The following NOL9 variants were observed in gnomAD, a reference collection of about 807,000 sequenced individuals.
NOL9 encodes the protein nucleolar protein 9.
Under a neutral mutation model 67.9 loss-of-function variants are expected in NOL9, and 28 were observed. The ratio of observed to expected loss-of-function variants is 0.41; its 90% confidence interval spans 0.31 to 0.57. NOL9 has a LOEUF of 0.57. NOL9 is among the 20% of genes least tolerant of loss of function. NOL9 has a pLI of 0.25. For missense variants in NOL9, 777 were observed against 897.0 expected (o/e 0.87, Z 1.71); for synonymous variants, 356 against 352.2 (o/e 1.01, Z -0.12).
In NOL9 at chr1:6,541,817, A is replaced by AT; in HGVS notation, c.1075+12dup. On this transcript the variant is annotated intron_variant, in intron 6 of 11. Coordinates refer to ENST00000377705, the MANE Select transcript of NOL9 (RefSeq NM_024654.5). ...CATAAAACCAAGACATTTGAGAAAT[A>AT]TGTAATACATACCCAGAACTGGTTC... 1 of 1,489,620 alleles carries AT rather than the reference A, an allele frequency of 6.7e-7. No individual in the cohort carries two copies. The highest frequency in any genetic ancestry group is 9.2e-7 in the Non-Finnish European group (1 of 1,089,608). 92.3% of individuals were successfully genotyped at this position (1,489,620 alleles called of 1,614,324 possible).
intron 5 of NOL9, 117 bp from the exon 6 acceptor site, chr1:6,542,044 G>C (rs1476898360): frequency 1.3e-5 from 7 of 547,112 alleles, no homozygotes; most frequent in Non-Finnish European, 2.2e-5. Flanking sequence ...ACCACACACA[G>C]CACTTTAGAA....
At position 6,554,262 on chromosome 1, in the gene NOL9, C is replaced by T; in HGVS notation, c.241G>A (p.Ala81Thr). ...GGGCTAGGGATCGGGCTGGGGGTCG[C>T]GGTGTTGGGTCTCCGGGCCGCCGCC... is the stretch of plus-strand genomic sequence containing the variant. ...RAAAARRPNTATPSPIPSPTP... is the reference protein window; with the variant it reads ...RAAAARRPNTTTPSPIPSPTP... The change falls in exon 1 of 12, where the codon GCG (alanine) becomes ACG (threonine). Residue 81 changes from alanine (A) to threonine (T), a missense_variant. Transcript: ENST00000377705. The T allele has an allele frequency of 1.3e-6, 2 of 1,485,496 alleles. No individual in the cohort carries two copies. Among genetic ancestry groups the T allele is most frequent in the East Asian group, 2.9e-5 (1 of 34,550 alleles). 92.0% of individuals were successfully genotyped at this position (1,485,496 alleles called of 1,614,324 possible). A position where few individuals can be genotyped will look rare whatever the true frequency, so the allele number is the denominator to read the frequency against.
Position 6,544,847 on chromosome 1 carries a change from A to T in NOL9, c.956T>A (p.Leu319Gln). The change falls in exon 5 of 12, where the codon CTG (leucine) becomes CAG (glutamine). Residue 319 changes from leucine (L) to glutamine (Q), a missense_variant. By Grantham distance (113) the Leu-to-Gln change is moderately radical. Coordinates refer to ENST00000377705, the MANE Select transcript of NOL9 (RefSeq NM_024654.5). ...DVGKSTFNRY[L>Q]INHLLNSLPC... ...TTACCTATTTAACAAATGGTTAATC[A>T]GGTATCTATTAAATGTTGACTTTCC... 6.2e-7 allele frequency: 1 copy of T among 1,614,204 alleles called. No homozygotes were observed. Among genetic ancestry groups the T allele is most frequent in the East Asian group, 2.2e-5 (1 of 44,890 alleles).
intron 6 of NOL9, among the ~76,000 whole-genome samples, chr1:6,539,635 C>A (rs1370545200): frequency 1.5e-5 from 2 of 136,264 alleles, no homozygotes; most frequent in East Asian, 2.2e-4. Context: ...TAGGCATGGA[C>A]CACCAAGCCC....
At position 6,544,889 on chromosome 1, in the gene NOL9, C is replaced by T; in HGVS notation, c.914G>A (p.Cys305Tyr). 3 of 1,614,228 alleles carry T rather than the reference C, an allele frequency of 1.9e-6. No individual in the cohort carries two copies. The highest frequency in any genetic ancestry group is 2.5e-6 in the Non-Finnish European group (3 of 1,180,038). The change falls in exon 5 of 12, where the codon TGT becomes TAT. Residue 305 changes from cysteine to tyrosine, a missense_variant. Cys to Tyr is a radical substitution (Grantham distance 194, BLOSUM62 -2). This residue lies in a region of NOL9 where 413 missense variants were observed against 552.6 expected (regional missense o/e 0.75). Coordinates refer to ENST00000377705, the MANE Select transcript of NOL9 (RefSeq NM_024654.5). ...TGACTTTCCAACATCCTGGGATCCA[C>T]AAACTAGAATGACAGGGCAGCCATC... The part of the protein sequence containing the change: ...EVDGCPVILV[C>Y]GSQDVGKSTF...
intron 6 of NOL9, among the ~76,000 whole-genome samples, chr1:6,533,768 T>C (rs1437346352): frequency 6.6e-6 from 1 of 152,056 alleles, no homozygotes; most frequent in Non-Finnish European, 1.5e-5. Context: ...CAGACAAACA[T>C]CCCCACCCTC....
chr1:6,533,500 T>C, intron 6 of NOL9, 59 bp from the exon 7 acceptor site: 2 of 1,294,926 alleles, frequency 1.5e-6, no homozygotes, highest in South Asian at 3.7e-5. Flanking sequence ...CCTGGCTACT[T>C]AAAAGGTGGT....
intron 1 of NOL9, among the ~76,000 whole-genome samples, chr1:6,552,666 C>T (rs1321374597): frequency 1.3e-5 from 2 of 151,238 alleles, no homozygotes; most frequent in Admixed American, 6.6e-5. Context: ...GACAGGGTTT[C>T]GCCATATTGG....
At chr1:6,535,993 G>A (rs1639146978) in intron 6 of NOL9, among the ~76,000 whole-genome samples, 1 of 151,436 alleles carries the variant, frequency 6.6e-6, no homozygotes, top group East Asian at 1.9e-4. Context: ...AATTAAAAGA[G>A]CATGGTCCAG....
At chr1:6,526,492 GCGACAC>G (rs1638887474) in intron 11 of NOL9, among the ~76,000 whole-genome samples, 198 bp downstream of exon 11, 1 of 152,144 alleles carries the variant, frequency 6.6e-6, no homozygotes, top group Admixed American at 6.5e-5. Context: ...AGCCCAGATC[GCGACAC>G]TGACACCACG....
rs775472654 is a variant in NOL9, at chr1:6,529,160, A to G, written c.1659T>C (p.Asn553=). 2.5e-6 allele frequency: 4 copies of G among 1,613,022 alleles called. No homozygotes were observed. Among genetic ancestry groups the G allele is most frequent in the East Asian group, 2.2e-5 (1 of 44,856 alleles). ...AGTGGGTAATCCGGAGTGCGACTGCATTGAAAGGGACCTGGAAAATGAATT... is the reference window on the plus strand; with the variant it reads ...AGTGGGTAATCCGGAGTGCGACTGCGTTGAAAGGGACCTGGAAAATGAATT... ...HSLTPYQVPF[N]AVALRITHSD... Residue 553 remains asparagine (N), a synonymous_variant, in exon 10 of 12, where the codon AAT becomes AAC. Coordinates refer to ENST00000377705, the MANE Select transcript of NOL9 (RefSeq NM_024654.5).
intron 3 of NOL9, among the ~76,000 whole-genome samples, chr1:6,546,361 C>A (rs1351971972): frequency 6.6e-6 from 1 of 152,208 alleles, no homozygotes; most frequent in Non-Finnish European, 1.5e-5. Flanking sequence ...CCTCTGCAGT[C>A]CTGGTCCAGC....
intron 3 of NOL9, among the ~76,000 whole-genome samples, chr1:6,546,990 G>A (rs908734176): frequency 2.0e-5 from 3 of 152,098 alleles, no homozygotes; most frequent in Non-Finnish European, 2.9e-5. Context: ...TTTCGCCACC[G>A]CTGTTCAGTT....
At chr1:6,528,766 C>T (rs541657276) in intron 10 of NOL9, among the ~76,000 whole-genome samples, 120 of 152,324 alleles carry the variant, frequency 7.9e-4, no homozygotes, top group Non-Finnish European at 1.0e-4. Flanking sequence ...AGAGGAGGGC[C>T]AAGCCCAGGC....
intron 6 of NOL9, among the ~76,000 whole-genome samples, 198 bp downstream of exon 6, chr1:6,541,632 C>T (rs1352044683): frequency 6.6e-6 from 1 of 152,180 alleles, no homozygotes; most frequent in Non-Finnish European, 1.5e-5. Flanking sequence ...AAATGAGTAG[C>T]AGTTCCATTT....
rs531591473 is a variant in NOL9, at chr1:6,549,218, C to G, written c.744+353G>C. ...TTGCAGTGAGGTTGAGGTCGCACCACTGCACTCCAGCCTGAGTGACAGAGT... is the reference window on the plus strand; with the variant it reads ...TTGCAGTGAGGTTGAGGTCGCACCAGTGCACTCCAGCCTGAGTGACAGAGT... On this transcript the variant is annotated intron_variant, in intron 3 of 11. Coordinates refer to ENST00000377705, the MANE Select transcript of NOL9 (RefSeq NM_024654.5). The G allele has an allele frequency of 1.8e-3, 336 of 184,318 alleles. 1 individual carries two copies. The highest frequency in any genetic ancestry group is 3.1e-3 in the Non-Finnish European group (268 of 87,462). 11.4% of individuals were successfully genotyped at this position (184,318 alleles called of 1,614,324 possible).
Position 6,533,455 on chromosome 1 carries a change from G to A in NOL9, c.1076-14C>T, listed in dbSNP as rs1270849702. 1 of 1,568,538 alleles carries A rather than the reference G, an allele frequency of 6.4e-7. No individual in the cohort carries two copies. Among genetic ancestry groups the A allele is most frequent in the East Asian group, 2.3e-5 (1 of 43,940 alleles). On this transcript the variant is annotated splice_polypyrimidine_tract_variant and intron_variant, in intron 6 of 11. Coordinates refer to ENST00000377705, the MANE Select transcript of NOL9 (RefSeq NM_024654.5). ...TGAAAGGTGGTCCTAAAAAGATAAA[G>A]ATGAGTAATCAGATGAGTAAGGTGA... is the stretch of plus-strand genomic sequence containing the variant.
Position 6,533,455 on chromosome 1 carries a change from G to T in NOL9, c.1076-14C>A. On this transcript the variant is annotated splice_polypyrimidine_tract_variant and intron_variant, in intron 6 of 11. Coordinates refer to ENST00000377705, the MANE Select transcript of NOL9 (RefSeq NM_024654.5). ...TGAAAGGTGGTCCTAAAAAGATAAA[G>T]ATGAGTAATCAGATGAGTAAGGTGA... 1 of 1,568,538 alleles carries T rather than the reference G, an allele frequency of 6.4e-7. No homozygotes were observed. Among genetic ancestry groups the T allele is most frequent in the South Asian group, 1.2e-5 (1 of 84,934 alleles).
At chr1:6,538,654 C>CAAAA (rs1639208844) in intron 6 of NOL9, among the ~76,000 whole-genome samples, 1 of 151,634 alleles carries the variant, frequency 6.6e-6, no homozygotes, top group Admixed American at 6.6e-5. Context: ...CCTCGGCACT[C>CAAAA]CGTCTCAAAA....
Sources: gnomAD v4.1 joint callset for allele counts (sites outside exome capture counted in the v4.1 genomes callset) on GRCh38, gnomAD v4.1.1 for gene constraint, gnomAD v4.1.1 regional missense constraint, MANE v1.5 for transcripts, NCBI Gene and HGNC (gene_info 2026-07-23, HGNC 2026-07-21) for gene names.